The following PNPLA8 variants were observed in gnomAD, a reference collection of about 807,000 sequenced individuals.
PNPLA8 encodes the protein calcium-independent phospholipase A2-gamma.
Under a neutral mutation model 76.9 loss-of-function variants are expected in PNPLA8, and 39 were observed. The observed-to-expected ratio is 0.51, with a 90% CI of 0.39 to 0.66. The LOEUF is 0.66. PNPLA8 is among the 30% of genes least tolerant of loss of function. The pLI, the probability that PNPLA8 is intolerant of heterozygous loss-of-function variation, is 0.00. For synonymous variants in PNPLA8, 301 were observed against 307.9 expected (o/e 0.98, Z 0.24); for missense variants, 887 against 918.0 (o/e 0.97, Z 0.44).
rs895562291 is a variant in PNPLA8, at chr7:108,471,026, C to G, written c.*1375G>C. ...TAGTTTGTATGTCTAAAACAAGGGG[C>G]GCTAACCTTTGTTTCATTTTTCTTA... On this transcript the variant is annotated 3_prime_UTR_variant, in exon 11 of 11. Coordinates refer to ENST00000257694, the MANE Select transcript of PNPLA8 (RefSeq NM_001256007.3). The G allele has an allele frequency of 1.3e-5, 2 of 151,978 alleles. No individual in the cohort carries two copies. Among genetic ancestry groups the G allele is most frequent in the African/African-American group, 4.8e-5 (2 of 41,358 alleles). The allele number at this position is 151,978 out of a possible 1,614,324, so 9.4% of individuals were successfully genotyped here. A position where few individuals can be genotyped will look rare whatever the true frequency, so the allele number is the denominator to read the frequency against.
At position 108,514,738 on chromosome 7, in the gene PNPLA8, C is replaced by T; in HGVS notation, c.754G>A (p.Gly252Ser). Residue 252 changes from glycine (G) to serine (S), a missense_variant, in exon 3 of 11, where the codon GGC becomes AGC. Coordinates refer to ENST00000257694, the MANE Select transcript of PNPLA8 (RefSeq NM_001256007.3). ...GAGCCTGGCTTATAAGCCAGGATGCCAGGATCTGGAGATCTTAATTTCCCC... is the reference window on the plus strand; with the variant it reads ...GAGCCTGGCTTATAAGCCAGGATGCTAGGATCTGGAGATCTTAATTTCCCC... ...EEGKLRSPDPGILAYKPGSES... is the reference protein window; with the variant it reads ...EEGKLRSPDPSILAYKPGSES... The T allele has an allele frequency of 6.2e-7, 1 of 1,613,562 alleles. No homozygotes were observed. The highest frequency in any genetic ancestry group is 8.5e-7 in the Non-Finnish European group (1 of 1,179,630).
At chr7:108,513,871 A>G (rs1264309707) in intron 4 of PNPLA8, among the ~76,000 whole-genome samples, 1 of 152,192 alleles carries the variant, frequency 6.6e-6, no homozygotes, top group Non-Finnish European at 1.5e-5. Flanking sequence ...AAAATCTGGC[A>G]GCTGTTAGGC....
chr7:108,518,820 A>C (rs956586594), intron 2 of PNPLA8, among the ~76,000 whole-genome samples: 1 of 150,906 alleles, frequency 6.6e-6, no homozygotes, highest in African/African-American at 2.4e-5. Flanking sequence ...TGCAGTTGAA[A>C]TCTTATGGAC....
intron 9 of PNPLA8, chr7:108,480,769 C>A: frequency 2.6e-6 from 1 of 388,884 alleles, no homozygotes; most frequent in South Asian, 1.9e-5. Context: ...GTAAAATTAA[C>A]TTTTTTGGTA....
At position 108,472,600 on chromosome 7, in the gene PNPLA8, A is replaced by T; in HGVS notation, c.2150T>A (p.Ile717Lys). The T allele has an allele frequency of 6.2e-7, 1 of 1,612,772 alleles. No individual in the cohort carries two copies. The highest frequency in any genetic ancestry group is 8.5e-7 in the Non-Finnish European group (1 of 1,179,410). Residue 717 changes from isoleucine to lysine, a missense_variant, in exon 11 of 11, where the codon ATA becomes AAA. Physicochemically the swap from Ile to Lys is moderately radical, Grantham distance 102. Coordinates refer to ENST00000257694, the MANE Select transcript of PNPLA8 (RefSeq NM_001256007.3). ...FRFNPVMCENIPLDESRNEKL... is the reference protein window; with the variant it reads ...FRFNPVMCENKPLDESRNEKL... ...TTCATTTCGACTTTCATCTAGAGGT[A>T]TGTTTTCACACATTACAGGATTGAA...
At chr7:108,496,864 C>T (rs1225531685) in intron 6 of PNPLA8, 109 bp from the exon 7 acceptor site, 2 of 792,062 alleles carry the variant, frequency 2.5e-6, no homozygotes, top group Non-Finnish European at 2.0e-6. Context: ...TACTTTCTAG[C>T]TATGTCACCT....
intron 10 of PNPLA8, among the ~76,000 whole-genome samples, chr7:108,478,684 G>C (rs1034351437): frequency 3.3e-5 from 5 of 152,152 alleles, no homozygotes; most frequent in African/African-American, 1.2e-4. Flanking sequence ...GAGCCATCGT[G>C]CCCAACCTAA....
At position 108,479,321 on chromosome 7, in the gene PNPLA8, A is replaced by C; in HGVS notation, c.1937T>G (p.Leu646Arg). ...GCACTCTAACGGCACATCTGGCCAA[A>C]GACATTTACACTCATGCATAGCTAA... ...SALAMHECKC[L>R]WPDVPLECIV... The change falls in exon 10 of 11, where the codon CTT (leucine) becomes CGT (arginine). Residue 646 changes from leucine (L) to arginine (R), a missense_variant. Physicochemically the swap from Leu to Arg is moderately radical, Grantham distance 102. Transcript: ENST00000257694. 1.2e-6 allele frequency: 2 copies of C among 1,613,716 alleles called. No individual in the cohort carries two copies. Among genetic ancestry groups the C allele is most frequent in the South Asian group, 2.2e-5 (2 of 91,074 alleles).
intron 1 of PNPLA8, among the ~76,000 whole-genome samples, chr7:108,523,111 T>A (rs150566266): frequency 7.9e-5 from 12 of 151,984 alleles, no homozygotes; most frequent in Non-Finnish European, 1.8e-4. Context: ...ATAAATACAA[T>A]GGAGGTACGA....
At chr7:108,518,591 G>GT (rs1416996026) in intron 2 of PNPLA8, among the ~76,000 whole-genome samples, 5 of 151,810 alleles carry the variant, frequency 3.3e-5, no homozygotes, top group Admixed American at 6.6e-5. Flanking sequence ...GGCTATGCGT[G>GT]TGTCAGGGTA....
upstream of PNPLA8, chr7:108,526,351 TGTGC>T (rs10530839): frequency 0.68 from 103,454 of 153,040 alleles, 35,583 homozygotes; most frequent in East Asian, 0.92. Context: ...GACAGACGTG[TGTGC>T]GTGCGTGCGT....
chr7:108,473,355 A>C (rs983912346), intron 10 of PNPLA8, among the ~76,000 whole-genome samples: 3 of 152,226 alleles, frequency 2.0e-5, no homozygotes, highest in Non-Finnish European at 4.4e-5. Flanking sequence ...TTTAGCTACT[A>C]GAAATAACCC....
At chr7:108,493,935 C>T (rs535902050) in intron 7 of PNPLA8, among the ~76,000 whole-genome samples, 8 of 151,642 alleles carry the variant, frequency 5.3e-5, no homozygotes, top group African/African-American at 1.2e-4. Context: ...AGAATTTGTA[C>T]GAAAATAAAT....
At chr7:108,500,800 T>C (rs1861881022) in intron 5 of PNPLA8, among the ~76,000 whole-genome samples, 1 of 152,002 alleles carries the variant, frequency 6.6e-6, no homozygotes, top group African/African-American at 2.4e-5. Context: ...TCCCAGCTAC[T>C]TGGGGAGGCT....
At chr7:108,486,260 G>A (rs17155828) in intron 9 of PNPLA8, among the ~76,000 whole-genome samples, 4 of 151,862 alleles carry the variant, frequency 2.6e-5, no homozygotes. Context: ...TGGCATAACT[G>A]CAAGTTTGTA....
At chr7:108,488,094 G>T (rs962225023) in intron 8 of PNPLA8, 141 bp from the exon 9 acceptor site, 2 of 446,454 alleles carry the variant, frequency 4.5e-6, no homozygotes, top group Admixed American at 4.2e-5. Context: ...AAGAGAATCA[G>T]ATCTTTTTAA....
At chr7:108,502,907 T>A in intron 4 of PNPLA8, 1 of 239,848 alleles carries the variant, frequency 4.2e-6, no homozygotes, top group East Asian at 8.4e-5. Flanking sequence ...AGAGAAAATA[T>A]AATTTATAGA....
chr7:108,502,243 G>C (rs984735373), intron 5 of PNPLA8, among the ~76,000 whole-genome samples: 1 of 151,730 alleles, frequency 6.6e-6, no homozygotes, highest in Non-Finnish European at 1.5e-5. Context: ...AGGAGTTTGA[G>C]ACCAACCTGG....
In PNPLA8 at chr7:108,521,499, T is replaced by C. The variant is rs895641012; in HGVS notation, c.-107A>G. The C allele has an allele frequency of 6.1e-6, 5 of 823,130 alleles. No individual in the cohort carries two copies. Among genetic ancestry groups the C allele is most frequent in the Non-Finnish European group, 7.3e-6 (5 of 681,772 alleles). 51.0% of individuals were successfully genotyped at this position (823,130 alleles called of 1,614,324 possible). On this transcript the variant is annotated 5_prime_UTR_variant, in exon 2 of 11. Transcript: ENST00000257694. The stretch of plus-strand genomic sequence containing the variant: ...ACTTATTAAACTTCAGGTAATCATG[T>C]AGACCTTGGAGGAGAAGACAATCTA...
Sources: allele counts gnomAD v4.1 joint callset (sites outside exome capture counted in the v4.1 genomes callset), GRCh38; gene constraint gnomAD v4.1.1; transcripts MANE v1.5; gene names NCBI Gene and HGNC (gene_info 2026-07-23, HGNC 2026-07-21).